The following ZSWIM2 variants were observed in gnomAD, a reference collection of about 807,000 sequenced individuals.
ZSWIM2 encodes the protein zinc finger SWIM-type containing 2.
A neutral mutation model predicts 48.4 loss-of-function variants in ZSWIM2; 38 were observed. The ratio of observed to expected loss-of-function variants is 0.79; its 90% CI spans 0.61 to 1.03. ZSWIM2 has a LOEUF of 1.03. ZSWIM2 is among the 50% of genes least tolerant of loss of function. ZSWIM2 has a pLI of 0.00. For missense variants in ZSWIM2, 776 were observed against 730.2 expected, an observed-to-expected ratio of 1.06 and a Z score of -0.72; for synonymous variants, 240 against 251.3, an observed-to-expected ratio of 0.96 and a Z score of 0.42.
chr2:186,831,127 C>T (rs1691691446), intron 7 of ZSWIM2, among the ~76,000 whole-genome samples: 1 of 152,126 alleles, frequency 6.6e-6, no homozygotes, highest in African/African-American at 2.4e-5. Context: ...TCTCAACTCC[C>T]TGTCCCCCAA....
intron 7 of ZSWIM2, among the ~76,000 whole-genome samples, chr2:186,831,917 T>G (rs1691706278): frequency 6.6e-6 from 1 of 151,978 alleles, no homozygotes; most frequent in Non-Finnish European, 1.5e-5. Flanking sequence ...GAGTTATACC[T>G]AATGCTAAAT....
At chr2:186,834,717 C>T (rs1026039692) in intron 5 of ZSWIM2, among the ~76,000 whole-genome samples, 8 of 151,862 alleles carry the variant, frequency 5.3e-5, no homozygotes, top group Non-Finnish European at 7.4e-5. Context: ...TGACCCTTTT[C>T]CTCCATTTTC....
chr2:186,847,794 A>C lies in ZSWIM2; in HGVS notation c.167T>G (p.Val56Gly). 2 of 1,604,516 alleles carry C rather than the reference A, an allele frequency of 1.2e-6. No homozygotes were observed. The highest frequency in any genetic ancestry group is 1.7e-6 in the Non-Finnish European group (2 of 1,175,172). ...ACAAACGTGAGGATTTCCTAGAAAA[A>C]CCTTTAAAGGAAAAATGCATACTTA... ...EEEPEYMDFR[V>G]FLGNPHVCNC... The change falls in exon 2 of 9, where the codon GTT becomes GGT. Residue 56 changes from valine (V) to glycine (G), a missense_variant and splice_region_variant. By Grantham distance (109) the Val-to-Gly change is moderately radical (BLOSUM62 -3). Transcript: ENST00000295131.
intron 4 of ZSWIM2, among the ~76,000 whole-genome samples, chr2:186,838,343 T>A (rs1381729862): frequency 4.7e-5 from 7 of 148,874 alleles, no homozygotes; most frequent in African/African-American, 1.5e-4. Context: ...TTGGCATTAA[T>A]GAGTAAAAAA....
At chr2:186,831,319 C>T (rs13401173) in intron 7 of ZSWIM2, among the ~76,000 whole-genome samples, 27,639 of 151,652 alleles carry the variant, frequency 0.18, 3,838 homozygotes, top group African/African-American at 0.4. Context: ...CAACTGAAGT[C>T]TGGATACAAA....
chr2:186,844,784 CA>C (rs1691966818), intron 2 of ZSWIM2, 27 bp from the exon 3 acceptor site: 1 of 1,528,488 alleles, frequency 6.5e-7, no homozygotes, highest in Non-Finnish European at 8.8e-7. Context: ...GAAAAAAAAT[CA>C]AGACATTTAT....
chr2:186,828,063 A>AGAT lies in ZSWIM2; in HGVS notation c.1820_1822dup (p.His607dup), dbSNP rs766424899. The AGAT allele has an allele frequency of 6.2e-7, 1 of 1,613,384 alleles. No homozygotes were observed. Among genetic ancestry groups the AGAT allele is most frequent in the Non-Finnish European group, 8.5e-7 (1 of 1,179,650 alleles). ...AGAGTGAGACACAGGCTGTCTTGAT[A>AGAT]GATGACTACATTTTCGTGTAATTTC... On this transcript the variant is annotated inframe_insertion, in exon 9 of 9. Coordinates refer to ENST00000295131, the MANE Select transcript of ZSWIM2 (RefSeq NM_182521.3).
chr2:186,828,765 C>G lies in ZSWIM2; in HGVS notation c.1121G>C (p.Trp374Ser), dbSNP rs779337558. ...GCATGAATTGCACTTGTGGAATAAC[C>G]AGTTGTCAATACACTTCCTGTGAAA... ...HKFHRKCIDNWLFHKCNSCPI... is the reference protein window; with the variant it reads ...HKFHRKCIDNSLFHKCNSCPI... The change falls in exon 9 of 9, where the codon TGG becomes TCG. Residue 374 changes from tryptophan (W) to serine (S), a missense_variant. Transcript: ENST00000295131. 6.3e-7 allele frequency: 1 copy of G among 1,582,248 alleles called. No individual in the cohort carries two copies. The highest frequency in any genetic ancestry group is 1.2e-5 in the South Asian group (1 of 86,580).
At position 186,833,966 on chromosome 2, in the gene ZSWIM2, G is replaced by T; in HGVS notation, c.808C>A (p.His270Asn). ...ECFDSCCHLS[H>N]TFTFREKRNQ... ...TGTACCTCACGAAATGTAAACGTGT[G>T]GGAAAGATGGCAGCAGCTATCAAAA... Residue 270 changes from histidine (H) to asparagine (N), a missense_variant, in exon 6 of 9, where the codon CAC becomes AAC. His to Asn is a moderately conservative substitution (Grantham distance 68). Coordinates refer to ENST00000295131, the MANE Select transcript of ZSWIM2 (RefSeq NM_182521.3). 1 of 1,613,078 alleles carries T rather than the reference G, an allele frequency of 6.2e-7. No homozygotes were observed. The highest frequency in any genetic ancestry group is 8.5e-7 in the Non-Finnish European group (1 of 1,179,404).
Position 186,829,786 on chromosome 2 carries a change from G to A in ZSWIM2, c.1036C>T (p.Leu346Phe). The change falls in exon 8 of 9, where the codon CTT (leucine) becomes TTT (phenylalanine). Residue 346 changes from leucine to phenylalanine, a missense_variant. Transcript: ENST00000295131. ...CCAAGATGAAATGCCTTCAAACAAA[G>A]TAGACACTGGTAGCCTGGAGCAAGC... ...KLLAPGYQCLLCLKAFHLGQH... is the reference protein window; with the variant it reads ...KLLAPGYQCLFCLKAFHLGQH... The A allele has an allele frequency of 1.2e-6, 2 of 1,613,636 alleles. No individual in the cohort carries two copies. The highest frequency in any genetic ancestry group is 1.7e-6 in the Non-Finnish European group (2 of 1,179,720).
intron 6 of ZSWIM2, among the ~76,000 whole-genome samples, chr2:186,833,673 G>C (rs989977858): frequency 3.9e-5 from 6 of 152,118 alleles, no homozygotes; most frequent in African/African-American, 1.4e-4. Flanking sequence ...TAATGTTCAA[G>C]TTTGATGGCT....
At chr2:186,844,800 G>A (rs770407385) in intron 2 of ZSWIM2, 43 bp from the exon 3 acceptor site, 20 of 1,467,796 alleles carry the variant, frequency 1.4e-5, no homozygotes, top group Non-Finnish European at 1.7e-5. Context: ...ATTTATTTTT[G>A]GCATAAACTC....
At chr2:186,829,285 A>G (rs925178710) in intron 8 of ZSWIM2, among the ~76,000 whole-genome samples, 3 of 152,186 alleles carry the variant, frequency 2.0e-5, no homozygotes, top group Admixed American at 6.5e-5. Context: ...ATCAACCACT[A>G]TATAGTTGCT....
intron 1 of ZSWIM2, among the ~76,000 whole-genome samples, chr2:186,848,277 A>G (rs1290619190): frequency 6.9e-6 from 1 of 145,806 alleles, no homozygotes; most frequent in Non-Finnish European, 1.5e-5. Context: ...GCAACAAAGT[A>G]AAAAAAGATG....
rs780879252 is a variant in ZSWIM2 at position 186,847,789 on chromosome 2, G to C, written c.172C>G (p.Leu58Val). 2.5e-6 allele frequency: 4 copies of C among 1,600,326 alleles called. No individual in the cohort carries two copies. The highest frequency in any genetic ancestry group is 3.4e-6 in the Non-Finnish European group (4 of 1,173,000). The change falls in exon 2 of 9, where the codon CTA becomes GTA. Residue 58 changes from leucine to valine, a missense_variant. By Grantham distance (32) the Leu-to-Val change is conservative. Transcript: ENST00000295131. ...EPEYMDFRVFLGNPHVCNCST... is the reference protein window; with the variant it reads ...EPEYMDFRVFVGNPHVCNCST... ...CAGTTACAAACGTGAGGATTTCCTA[G>C]AAAAACCTTTAAAGGAAAAATGCAT...
At chr2:186,844,346 C>T (rs1044563260) in intron 3 of ZSWIM2, among the ~76,000 whole-genome samples, 3 of 151,518 alleles carry the variant, frequency 2.0e-5, no homozygotes, top group Admixed American at 1.3e-4. Context: ...TGCCAACAGT[C>T]TATTTCTGGG....
chr2:186,833,798 G>A (rs917023584), intron 6 of ZSWIM2, 148 bp downstream of exon 6: 16 of 524,996 alleles, frequency 3.0e-5, no homozygotes, highest in Non-Finnish European at 3.9e-5. Context: ...ATGAAAAAGA[G>A]TTCTCCTAAA....
At chr2:186,843,295 T>A (rs1691941422) in intron 3 of ZSWIM2, among the ~76,000 whole-genome samples, 1 of 151,610 alleles carries the variant, frequency 6.6e-6, no homozygotes, top group Non-Finnish European at 1.5e-5. Context: ...ACAATATGTA[T>A]AAAACCATAC....
In ZSWIM2 at chr2:186,827,908, T is replaced by C. The variant is rs1691624147; in HGVS notation, c.*76A>G. 8.1e-7 allele frequency: 1 copy of C among 1,230,156 alleles called. No individual in the cohort carries two copies. The highest frequency in any genetic ancestry group is 2.6e-5 in the East Asian group (1 of 39,036). The allele number at this position is 1,230,156 out of a possible 1,614,324, so 76.2% of individuals were successfully genotyped here. Reference sequence around the variant, plus strand: ...GAATTTTATATACATTTGTCAAGACTATGTGTGCTTTTTATGTTCTATATA... The same window carrying C: ...GAATTTTATATACATTTGTCAAGACCATGTGTGCTTTTTATGTTCTATATA... On this transcript the variant is annotated 3_prime_UTR_variant, in exon 9 of 9. Transcript: ENST00000295131.
Sources: gnomAD v4.1 joint callset for allele counts (sites outside exome capture counted in the v4.1 genomes callset) on GRCh38, gnomAD v4.1.1 for gene constraint, MANE v1.5 for transcripts, NCBI Gene and HGNC (gene_info 2026-07-23, HGNC 2026-07-21) for gene names.